UBE2E2: variants seen among roughly 807,000 people sequenced by gnomAD.
UBE2E2 encodes the protein ubiquitin conjugating enzyme E2 E2.
A neutral mutation model predicts 24.7 loss-of-function variants in UBE2E2; 6 were observed. That is an observed-to-expected ratio of 0.24 (90% CI 0.13 to 0.48). The LOEUF (loss-of-function observed/expected upper bound fraction) is 0.48. UBE2E2 is among the 20% of genes least tolerant of loss of function. The probability of loss-of-function intolerance (pLI) is 0.99; values close to 1 mark genes in which losing one functional copy is unlikely to be tolerated. For synonymous variants in UBE2E2, 104 were observed against 83.6 expected (o/e 1.24, Z -1.33); for missense variants, 169 against 245.0 (o/e 0.69, Z 2.07).
At chr3:23,565,370 A>G (rs548106949) in intron 5 of UBE2E2, among the ~76,000 whole-genome samples, 1 of 149,708 alleles carries the variant, frequency 6.7e-6, no homozygotes, top group South Asian at 2.1e-4. Context: ...CCCAACTCTA[A>G]TTATTACACT....
chr3:23,398,665 T>C (rs1697139528), intron 3 of UBE2E2, among the ~76,000 whole-genome samples: 1 of 152,220 alleles, frequency 6.6e-6, no homozygotes, highest in African/African-American at 2.4e-5. Context: ...TAGGTAGTTT[T>C]TACTTTGTTA....
At chr3:23,269,353 A>C (rs114600226) in intron 3 of UBE2E2, among the ~76,000 whole-genome samples, 1 of 152,232 alleles carries the variant, frequency 6.6e-6, no homozygotes, top group East Asian at 1.9e-4. Flanking sequence ...AAAAATTTAC[A>C]AGAGAAAAAA....
intron 5 of UBE2E2, among the ~76,000 whole-genome samples, chr3:23,578,296 A>T: frequency 6.6e-6 from 1 of 152,204 alleles, no homozygotes; most frequent in East Asian, 1.9e-4. Context: ...TGCTGTCAAC[A>T]TTGCAGAGAA....
chr3:23,528,345 G>C (rs1177037873), intron 4 of UBE2E2, among the ~76,000 whole-genome samples: 3 of 152,178 alleles, frequency 2.0e-5, no homozygotes, highest in Non-Finnish European at 4.4e-5. Flanking sequence ...CCAAGCTACT[G>C]GTTTAGCCAG....
chr3:23,325,420 C>G (rs1694858529), intron 3 of UBE2E2, among the ~76,000 whole-genome samples: 1 of 152,140 alleles, frequency 6.6e-6, no homozygotes, highest in Admixed American at 6.5e-5. Context: ...ACCATACTTT[C>G]AGAAGCTTTT....
chr3:23,360,134 G>A (rs2125330373), intron 3 of UBE2E2, among the ~76,000 whole-genome samples: 1 of 152,224 alleles, frequency 6.6e-6, no homozygotes, highest in Non-Finnish European at 1.5e-5. Flanking sequence ...TTTATAAAGG[G>A]CCTAAGTATT....
At chr3:23,355,058 G>T (rs1470342568) in intron 3 of UBE2E2, among the ~76,000 whole-genome samples, 2 of 151,946 alleles carry the variant, frequency 1.3e-5, no homozygotes, top group African/African-American at 4.8e-5. Context: ...CATAAAAAAT[G>T]ATGAGTTCAT....
intron 5 of UBE2E2, among the ~76,000 whole-genome samples, chr3:23,584,875 A>G (rs1197942818): frequency 1.3e-5 from 2 of 151,762 alleles, no homozygotes; most frequent in African/African-American, 2.4e-5. Context: ...CCCAGTTGGT[A>G]TGACAGTCTT....
At chr3:23,385,990 T>C (rs9879217) in intron 3 of UBE2E2, among the ~76,000 whole-genome samples, 6,356 of 152,310 alleles carry the variant, frequency 0.042, 457 homozygotes, top group African/African-American at 0.14. Flanking sequence ...TTTCAACTTA[T>C]TTGATGCAAA....
intron 1 of UBE2E2, among the ~76,000 whole-genome samples, chr3:23,208,112 T>G (rs1196243221): frequency 2.0e-5 from 3 of 152,026 alleles, no homozygotes; most frequent in Non-Finnish European, 2.9e-5. Flanking sequence ...ATATTTTTAT[T>G]TTTTGTAGAG....
intron 3 of UBE2E2, among the ~76,000 whole-genome samples, chr3:23,268,012 A>G (rs1422507838): frequency 6.6e-6 from 1 of 151,772 alleles, no homozygotes; most frequent in Admixed American, 6.6e-5. Context: ...ACAACTCTTC[A>G]TGCTAAAAAC....
intron 3 of UBE2E2, among the ~76,000 whole-genome samples, chr3:23,393,142 T>A (rs1696981296): frequency 6.6e-6 from 1 of 151,782 alleles, no homozygotes; most frequent in Non-Finnish European, 1.5e-5. Context: ...AGATGGCTGT[T>A]GAAGGTAAAA....
At chr3:23,399,793 A>G (rs939529545) in intron 3 of UBE2E2, among the ~76,000 whole-genome samples, 2 of 152,244 alleles carry the variant, frequency 1.3e-5, no homozygotes, top group South Asian at 2.1e-4. Flanking sequence ...ATTATAATGT[A>G]CTGTTTATCA....
At chr3:23,290,155 C>G (rs1033253602) in intron 3 of UBE2E2, among the ~76,000 whole-genome samples, 1 of 152,206 alleles carries the variant, frequency 6.6e-6, no homozygotes, top group Non-Finnish European at 1.5e-5. Flanking sequence ...CGCACACATG[C>G]AAATGATGTG....
intron 5 of UBE2E2, among the ~76,000 whole-genome samples, chr3:23,537,949 A>G (rs999767331): frequency 2.6e-5 from 4 of 152,216 alleles, no homozygotes; most frequent in Admixed American, 1.3e-4. Context: ...TACATATAAC[A>G]CCTCAGTAGG....
At chr3:23,243,085 C>CAAAAA (rs559311463) in intron 3 of UBE2E2, among the ~76,000 whole-genome samples, 1 of 118,418 alleles carries the variant, frequency 8.4e-6, no homozygotes, top group Non-Finnish European at 1.8e-5. Flanking sequence ...GACGCTGTTT[C>CAAAAA]AAAAAAAAAA....
intron 3 of UBE2E2, among the ~76,000 whole-genome samples, chr3:23,282,397 C>A (rs914292004): frequency 6.6e-6 from 1 of 152,138 alleles, no homozygotes; most frequent in African/African-American, 2.4e-5. Flanking sequence ...TCTTATTATG[C>A]ATGATTTTCC....
chr3:23,319,233 TG>T, intron 3 of UBE2E2, among the ~76,000 whole-genome samples: 1 of 152,308 alleles, frequency 6.6e-6, no homozygotes, highest in South Asian at 2.1e-4. Flanking sequence ...AGGAAGGAAT[TG>T]TGTTTATTTA....
At position 23,591,328 on chromosome 3, in the gene UBE2E2, A is replaced by G. The variant is rs1393417876; in HGVS notation, c.*1497A>G. On this transcript the variant is annotated 3_prime_UTR_variant, in exon 6 of 6. Transcript: ENST00000396703. Reference sequence around the variant, plus strand: ...AAAGCAGGATTTATAAGCATAAGTCATCCACCTCTAAATATTTTAACATTT... The same window carrying G: ...AAAGCAGGATTTATAAGCATAAGTCGTCCACCTCTAAATATTTTAACATTT... 2 of 152,236 alleles carry G rather than the reference A, an allele frequency of 1.3e-5. No individual in the cohort carries two copies. Among genetic ancestry groups the G allele is most frequent in the African/African-American group, 2.4e-5 (1 of 41,464 alleles). The allele number at this position is 152,236 out of a possible 1,614,324, so 9.4% of individuals were successfully genotyped here.
Sources: gnomAD v4.1 joint callset for allele counts (sites outside exome capture counted in the v4.1 genomes callset) on GRCh38, gnomAD v4.1.1 for gene constraint, MANE v1.5 for transcripts, NCBI Gene and HGNC (gene_info 2026-07-23, HGNC 2026-07-21) for gene names.